The following PIK3C2G variants were observed in gnomAD, a reference collection of about 807,000 sequenced individuals.
The protein encoded by PIK3C2G is phosphatidylinositol-4-phosphate 3-kinase catalytic subunit type 2 gamma.
Under a neutral mutation model 181.1 loss-of-function variants are expected in PIK3C2G, and 168 were observed. The ratio of observed to expected loss-of-function variants is 0.93; its 90% CI spans 0.82 to 1.05. The LOEUF is 1.05. PIK3C2G is among the 50% of genes least tolerant of loss of function. The pLI, the probability that PIK3C2G is intolerant of heterozygous loss-of-function variation, is 0.00. For missense variants in PIK3C2G, 1,869 were observed against 1,732.8 expected (o/e 1.08, Z -1.40); for synonymous variants, 573 against 592.2 (o/e 0.97, Z 0.47).
chr12:18,544,860 T>C (rs1384328067), intron 25 of PIK3C2G, among the ~76,000 whole-genome samples: 1 of 151,822 alleles, frequency 6.6e-6, no homozygotes, highest in Non-Finnish European at 1.5e-5. Flanking sequence ...CTTTGGACCC[T>C]CTCAATATGT....
the PIK3C2G span, chr12:18,688,325 A>G: frequency 1.7e-6 from 2 of 1,162,696 alleles, no homozygotes; most frequent in South Asian, 1.6e-5. Flanking sequence ...ACTCTAAGTC[A>G]GCTCCCACAA....
the PIK3C2G span, among the ~76,000 whole-genome samples, chr12:18,665,607 A>G: frequency 5.3e-5 from 8 of 152,152 alleles, no homozygotes; most frequent in African/African-American, 1.4e-4. Flanking sequence ...AGCCTGACCA[A>G]CATAGTGAAA....
chr12:18,302,109 C>G (rs1950200889), intron 5 of PIK3C2G, among the ~76,000 whole-genome samples: 1 of 151,952 alleles, frequency 6.6e-6, no homozygotes, highest in Admixed American at 6.5e-5. Flanking sequence ...GGTGGACCAA[C>G]CATGGCTGTC....
At chr12:18,427,458 G>A (rs1945891825) in intron 18 of PIK3C2G, among the ~76,000 whole-genome samples, 1 of 143,202 alleles carries the variant, frequency 7.0e-6, no homozygotes, top group Non-Finnish European at 1.5e-5. Flanking sequence ...CCGAGATCGC[G>A]CCATTGCACT....
the PIK3C2G span, among the ~76,000 whole-genome samples, chr12:18,703,297 A>T: frequency 6.6e-6 from 1 of 152,124 alleles, no homozygotes. Flanking sequence ...TTCTATCATC[A>T]GCCCTATATG....
At chr12:18,504,716 A>C (rs1396349206) in intron 23 of PIK3C2G, among the ~76,000 whole-genome samples, 1 of 152,226 alleles carries the variant, frequency 6.6e-6, no homozygotes, top group African/African-American at 2.4e-5. Flanking sequence ...AAATTGACTT[A>C]ATGATAATCT....
At chr12:18,705,444 T>G in the PIK3C2G span, 1 of 1,103,368 alleles carries the variant, frequency 9.1e-7, no homozygotes, top group African/African-American at 1.6e-5. Context: ...ATAACTATTC[T>G]TTAAACTGAA....
intron 25 of PIK3C2G, among the ~76,000 whole-genome samples, chr12:18,544,212 G>A (rs1944308906): frequency 6.6e-6 from 1 of 151,802 alleles, no homozygotes; most frequent in Admixed American, 6.6e-5. Flanking sequence ...GTAACCAAGT[G>A]TGCCCAGTCT....
upstream of PIK3C2G, among the ~76,000 whole-genome samples, chr12:18,244,325 G>A (rs1365256491): frequency 1.3e-5 from 2 of 151,924 alleles, no homozygotes; most frequent in African/African-American, 4.8e-5. Flanking sequence ...AGTATAGTGA[G>A]CTCTATTCAA....
intron 16 of PIK3C2G, among the ~76,000 whole-genome samples, chr12:18,418,879 G>A (rs1411933817): frequency 1.3e-5 from 2 of 152,106 alleles, no homozygotes; most frequent in Non-Finnish European, 2.9e-5. Flanking sequence ...AGCTTCACAG[G>A]TAAATTGATG....
rs1170691040 is a variant in PIK3C2G at position 18,573,700 on chromosome 12, T to C, written c.4011+6643T>C. ...GGCCTAACCTACTATCACCAGAAAA[T>C]GGAGTCTAAAACTGCAGCCATCACC... On this transcript the variant is annotated intron_variant, in intron 29 of 32. Coordinates refer to ENST00000538779, the MANE Select transcript of PIK3C2G (RefSeq NM_001288772.2). Among the ~76,000 whole-genome samples the C allele has an allele frequency of 2.0e-5, 3 of 152,158 alleles. 1 individual carries two copies. The highest frequency in any genetic ancestry group is 7.2e-5 in the African/African-American group (3 of 41,418).
At chr12:18,285,605 A>G (rs920927485) in intron 2 of PIK3C2G, among the ~76,000 whole-genome samples, 1 of 152,056 alleles carries the variant, frequency 6.6e-6, no homozygotes, top group Non-Finnish European at 1.5e-5. Context: ...GTAAATTCTT[A>G]CATATTAAAT....
At chr12:18,300,808 T>C (rs1051012960) in intron 5 of PIK3C2G, among the ~76,000 whole-genome samples, 8 of 152,134 alleles carry the variant, frequency 5.3e-5, no homozygotes, top group African/African-American at 1.4e-4. Context: ...TATACTTTCA[T>C]GTGCTTTCAT....
At chr12:18,438,120 T>C (rs1285207511) in intron 18 of PIK3C2G, among the ~76,000 whole-genome samples, 1 of 151,928 alleles carries the variant, frequency 6.6e-6, no homozygotes, top group Non-Finnish European at 1.5e-5. Flanking sequence ...TTTGTCTCAA[T>C]AAATTAATTT....
At chr12:18,533,949 T>C (rs904805196) in intron 24 of PIK3C2G, among the ~76,000 whole-genome samples, 2 of 137,696 alleles carry the variant, frequency 1.5e-5, no homozygotes, top group African/African-American at 5.7e-5. Flanking sequence ...TTCTTTTTTT[T>C]TTTTTTTTTT....
At chr12:18,387,163 C>A (rs1943229651) in intron 14 of PIK3C2G, among the ~76,000 whole-genome samples, 1 of 152,132 alleles carries the variant, frequency 6.6e-6, no homozygotes. Context: ...CTATATCCTG[C>A]CAATTTATAT....
intron 16 of PIK3C2G, among the ~76,000 whole-genome samples, chr12:18,419,888 C>T (rs1461617250): frequency 6.6e-6 from 1 of 152,130 alleles, no homozygotes; most frequent in Non-Finnish European, 1.5e-5. Flanking sequence ...CCATTTAACC[C>T]TTCAGTAACC....
intron 22 of PIK3C2G, among the ~76,000 whole-genome samples, chr12:18,498,413 CA>C (rs1204207468): frequency 6.6e-6 from 1 of 152,124 alleles, no homozygotes; most frequent in Non-Finnish European, 1.5e-5. Context: ...ATTAAAGAGA[CA>C]ACAATATCTA....
intron 18 of PIK3C2G, among the ~76,000 whole-genome samples, chr12:18,454,155 T>C (rs1246670386): frequency 6.6e-6 from 1 of 152,176 alleles, no homozygotes; most frequent in East Asian, 1.9e-4. Flanking sequence ...CTTTGTCCCA[T>C]GCATTGGAGA....
Sources: gnomAD v4.1 joint callset for allele counts (sites outside exome capture counted in the v4.1 genomes callset) on GRCh38, gnomAD v4.1.1 for gene constraint, MANE v1.5 for transcripts, NCBI Gene and HGNC (gene_info 2026-07-23, HGNC 2026-07-21) for gene names.